The following KANK4 variants were observed in gnomAD, a reference collection of about 807,000 sequenced individuals.
The protein encoded by KANK4 is KN motif and ankyrin repeat domains 4.
KANK4 carries 50 observed loss-of-function variants against 80.8 expected under a neutral mutation model. The observed-to-expected ratio is 0.62, with a 90% CI of 0.49 to 0.78. The LOEUF (loss-of-function observed/expected upper bound fraction) is 0.78, where lower values mean the gene tolerates loss of function less well. KANK4 is among the 30% of genes least tolerant of loss of function. The probability of loss-of-function intolerance (pLI) is 0.00; values close to 1 mark genes in which losing one functional copy is unlikely to be tolerated. For missense variants in KANK4, 1,196 were observed against 1,240.1 expected (o/e 0.96, Z 0.53); for synonymous variants, 465 against 506.9 (o/e 0.92, Z 1.11).
intron 1 of KANK4, among the ~76,000 whole-genome samples, chr1:62,302,180 C>T (rs569853564): frequency 3.3e-5 from 5 of 152,094 alleles, no homozygotes; most frequent in African/African-American, 7.2e-5. Context: ...AGATGGGCTA[C>T]GCTTTGGCTG....
intron 9 of KANK4, among the ~76,000 whole-genome samples, chr1:62,245,501 C>T (rs1671444388): frequency 6.6e-6 from 1 of 152,116 alleles, no homozygotes; most frequent in Admixed American, 6.5e-5. Flanking sequence ...ACTCTCTTCC[C>T]CTCTCCAGGT....
chr1:62,272,720 G>A (rs1672192184), intron 3 of KANK4: 1 of 152,158 alleles, frequency 6.6e-6, no homozygotes, highest in Non-Finnish European at 1.5e-5. Context: ...AAGAGTAGAG[G>A]TCCCGAGCCT....
intron 1 of KANK4, among the ~76,000 whole-genome samples, chr1:62,316,153 C>T (rs7541313): frequency 6.6e-6 from 1 of 152,242 alleles, no homozygotes; most frequent in Non-Finnish European, 1.5e-5. Flanking sequence ...CCAAGGGCGT[C>T]CCCCAGTCTG....
intron 2 of KANK4, among the ~76,000 whole-genome samples, chr1:62,278,397 C>CTTTCTTTTTTTT (rs1553130867): frequency 3.4e-5 from 1 of 29,232 alleles, no homozygotes. Context: ...TTCTTTCTTT[C>CTTTCTTTTTTTT]TTTTTTTTTT....
chr1:62,309,999 T>C (rs1257830452), intron 1 of KANK4, among the ~76,000 whole-genome samples: 2 of 152,050 alleles, frequency 1.3e-5, no homozygotes, highest in Non-Finnish European at 2.9e-5. Context: ...CCAAGGGACA[T>C]GGGGATAGAA....
chr1:62,263,435 T>C (rs1376809354), intron 6 of KANK4, 124 bp from the exon 7 acceptor site: 2 of 763,832 alleles, frequency 2.6e-6, no homozygotes, highest in Admixed American at 2.5e-5. Flanking sequence ...ATGTGATTTA[T>C]TCCTGAAGGG....
chr1:62,247,363 C>T lies in KANK4; in HGVS notation c.2883+109G>A, dbSNP rs533419690. On this transcript the variant is annotated intron_variant, in intron 9 of 9. Transcript: ENST00000371153. ...CTATGTTGCCTAGGCTGGTCTCGAA[C>T]TCCTGGGCTCAAGTGATCCTCCCGC... 6.7e-6 allele frequency: 6 copies of T among 898,980 alleles called. No individual in the cohort carries two copies. In the South Asian group the frequency reaches 7.2e-5, roughly 11 times the overall value. The allele number at this position is 898,980 out of a possible 1,614,324, so 55.7% of individuals were successfully genotyped here. A position where few individuals can be genotyped will look rare whatever the true frequency, so the allele number is the denominator to read the frequency against.
At chr1:62,306,518 G>A (rs1267280650) in intron 1 of KANK4, among the ~76,000 whole-genome samples, 1 of 151,470 alleles carries the variant, frequency 6.6e-6, no homozygotes, top group Non-Finnish European at 1.5e-5. Context: ...TGGTCTATAT[G>A]CTCTAACCAC....
At chr1:62,281,738 C>T (rs1672455607) in intron 1 of KANK4, 104 bp from the exon 2 acceptor site, 2 of 759,452 alleles carry the variant, frequency 2.6e-6, no homozygotes, top group East Asian at 5.0e-5. Context: ...TGCCTTTCTC[C>T]CAGGGTGCCC....
chr1:62,313,544 T>G (rs1003649300), intron 1 of KANK4, among the ~76,000 whole-genome samples: 1 of 152,234 alleles, frequency 6.6e-6, no homozygotes, highest in Admixed American at 6.5e-5. Flanking sequence ...TAATGCCTTT[T>G]GTTATTATTT....
chr1:62,271,803 C>A (rs932156962), intron 3 of KANK4: 2 of 496,038 alleles, frequency 4.0e-6, no homozygotes, highest in Non-Finnish European at 7.4e-6. Flanking sequence ...GTTAACAATG[C>A]CCCTCTAAGT....
Position 62,274,720 on chromosome 1 carries a change from G to T in KANK4, c.384C>A (p.His128Gln), listed in dbSNP as rs1485119244. The T allele has an allele frequency of 6.2e-7, 1 of 1,614,202 alleles. No homozygotes were observed. The highest frequency in any genetic ancestry group is 8.5e-7 in the Non-Finnish European group (1 of 1,180,036). ...ASTSRSEVSY[H>Q]RKALLAEATR... The stretch of plus-strand genomic sequence containing the variant: ...TGGCCTCTGCCAACAGAGCCTTCCT[G>T]TGGTAGCTCACCTCACTCCTGCTTG... The change falls in exon 3 of 10, where the codon CAC becomes CAA. Residue 128 changes from histidine (H) to glutamine (Q), a missense_variant. Transcript: ENST00000371153.
At chr1:62,300,175 C>T (rs1047289368) in intron 1 of KANK4, among the ~76,000 whole-genome samples, 1 of 152,122 alleles carries the variant, frequency 6.6e-6, no homozygotes, top group African/African-American at 2.4e-5. Flanking sequence ...AGAAAGAGAC[C>T]ACAATGCTTT....
chr1:62,284,705 T>A (rs1338112606), intron 1 of KANK4, among the ~76,000 whole-genome samples: 1 of 152,212 alleles, frequency 6.6e-6, no homozygotes, highest in African/African-American at 2.4e-5. Context: ...TTACTTTTCA[T>A]TTGTTTTTGT....
intron 1 of KANK4, among the ~76,000 whole-genome samples, chr1:62,288,102 T>C (rs960336874): frequency 2.6e-5 from 4 of 152,096 alleles, no homozygotes; most frequent in African/African-American, 9.7e-5. Context: ...CCCTATGCCT[T>C]ACTCAGACGT....
rs1333264509 is a variant in KANK4 at position 62,253,177 on chromosome 1, C to T, written c.2572G>A (p.Gly858Ser). ...GGAGTGATCATTACGGCAGTGTAGC[C>T]AGCTTTGTTCTGATGGTCCACATTG... is the stretch of plus-strand genomic sequence containing the variant. ...VCNVDHQNKA[G>S]YTAVMITPLA... Residue 858 changes from glycine (G) to serine (S), a missense_variant, in exon 8 of 10, where the codon GGC (glycine) becomes AGC (serine). This residue lies in a region of KANK4 where 1,154 missense variants were observed against 1,179.6 expected (regional missense o/e 0.98). Coordinates refer to ENST00000371153, the MANE Select transcript of KANK4 (RefSeq NM_181712.5). The T allele has an allele frequency of 6.2e-7, 1 of 1,612,080 alleles. No individual in the cohort carries two copies. Among genetic ancestry groups the T allele is most frequent in the Non-Finnish European group, 8.5e-7 (1 of 1,179,604 alleles).
chr1:62,259,797 AT>A, intron 7 of KANK4, among the ~76,000 whole-genome samples: 1 of 149,764 alleles, frequency 6.7e-6, no homozygotes, highest in South Asian at 2.1e-4. Flanking sequence ...TATAAATATA[AT>A]TTATCATAAA....
At chr1:62,241,253 A>C (rs1671334717) in intron 9 of KANK4, among the ~76,000 whole-genome samples, 2 of 152,146 alleles carry the variant, frequency 1.3e-5, no homozygotes, top group Non-Finnish European at 2.9e-5. Flanking sequence ...ACGGCAAAGC[A>C]CTAAACGAGT....
intron 9 of KANK4, 52 bp downstream of exon 9, chr1:62,247,420 A>G: frequency 1.3e-6 from 2 of 1,550,902 alleles, no homozygotes; most frequent in East Asian, 4.5e-5. Context: ...GGTTACAGGT[A>G]TGAGCCACCC....
Sources: gnomAD v4.1 joint callset for allele counts (sites outside exome capture counted in the v4.1 genomes callset) on GRCh38, gnomAD v4.1.1 for gene constraint, gnomAD v4.1.1 regional missense constraint, MANE v1.5 for transcripts, NCBI Gene and HGNC (gene_info 2026-07-23, HGNC 2026-07-21) for gene names.